GOLT1B: variants seen among roughly 807,000 people sequenced by gnomAD.
The protein encoded by GOLT1B is golgi transport 1B, also known as vesicle transport protein GOT1B.
Under a neutral mutation model 15.4 loss-of-function variants are expected in GOLT1B, and 3 were observed. That is an observed-to-expected ratio of 0.19 (90% confidence interval 0.09 to 0.50). The LOEUF (loss-of-function observed/expected upper bound fraction) is 0.50. Among genes scored for constraint, GOLT1B ranks in the 20% least tolerant of loss-of-function variants. The probability of loss-of-function intolerance (pLI) is 0.97; values close to 1 mark genes in which losing one functional copy is unlikely to be tolerated. For missense variants in GOLT1B, 145 were observed against 160.4 expected (o/e 0.90, Z 0.52); for synonymous variants, 65 against 56.2 (o/e 1.16, Z -0.70).
intron 4 of GOLT1B, among the ~76,000 whole-genome samples, chr12:21,512,905 C>T (rs765864131): frequency 4.0e-5 from 6 of 151,674 alleles, no homozygotes; most frequent in Admixed American, 2.0e-4. Flanking sequence ...TCTCTACCCC[C>T]GCAAATACAA....
At chr12:21,510,284 G>A (rs1433229934) in intron 3 of GOLT1B, among the ~76,000 whole-genome samples, 5 of 152,164 alleles carry the variant, frequency 3.3e-5, no homozygotes, top group African/African-American at 1.2e-4. Context: ...GGCTAAGAGA[G>A]AAAAGAGTGA....
chr12:21,515,388 A>G (rs1164133029), intron 4 of GOLT1B: 1 of 592,678 alleles, frequency 1.7e-6, no homozygotes, highest in East Asian at 2.9e-5. Context: ...ATCTTATACA[A>G]TTTCTTTATT....
Position 21,517,060 on chromosome 12 carries a change from C to T in GOLT1B, c.*1353C>T, listed in dbSNP as rs1943761431. 6.6e-6 allele frequency: 1 copy of T among 152,284 alleles called. No homozygotes were observed. The highest frequency in any genetic ancestry group is 1.5e-5 in the Non-Finnish European group (1 of 67,848). The allele number at this position is 152,284 out of a possible 1,614,324, so 9.4% of individuals were successfully genotyped here. ...ACTATTTGTTTTACCACTGATTGCA[C>T]TGTTTTGTTTTTTTAACAGTTGCAA... On this transcript the variant is annotated 3_prime_UTR_variant, in exon 5 of 5. Transcript: ENST00000229314.
chr12:21,501,901 C>T lies in GOLT1B; in HGVS notation c.-23C>T, dbSNP rs774342970. The T allele has an allele frequency of 1.9e-6, 3 of 1,589,172 alleles. No homozygotes were observed. Among genetic ancestry groups the T allele is most frequent in the Admixed American group, 1.7e-5 (1 of 59,902 alleles). On this transcript the variant is annotated 5_prime_UTR_variant, in exon 1 of 5. Coordinates refer to ENST00000229314, the MANE Select transcript of GOLT1B (RefSeq NM_016072.5). ...CCCTGGGCTTTCCGAGGTGCTGTCG[C>T]CGCTGTCCCCACCACTGCAGCCATG...
Position 21,512,285 on chromosome 12 carries a change from C to G in GOLT1B, c.297-10C>G, listed in dbSNP as rs2136809146. 1 of 1,412,048 alleles carries G rather than the reference C, an allele frequency of 7.1e-7. No homozygotes were observed. The highest frequency in any genetic ancestry group is 2.3e-5 in the East Asian group (1 of 43,728). 87.5% of individuals were successfully genotyped at this position (1,412,048 alleles called of 1,614,324 possible). A position where few individuals can be genotyped will look rare whatever the true frequency, so the allele number is the denominator to read the frequency against. On this transcript the variant is annotated splice_polypyrimidine_tract_variant and intron_variant, in intron 3 of 4. Transcript: ENST00000229314. ...GTAAATATTAAGAACCTTTTTTTTC[C>G]CTCTCCCAGGGGCTTCTTTCCTGTC...
intron 1 of GOLT1B, among the ~76,000 whole-genome samples, chr12:21,504,035 G>A (rs1456044542): frequency 6.6e-6 from 1 of 152,156 alleles, no homozygotes; most frequent in Non-Finnish European, 1.5e-5. Context: ...CAAAGGGTAT[G>A]GTAAGAGAGA....
intron 3 of GOLT1B, among the ~76,000 whole-genome samples, chr12:21,509,396 C>CAAAAAAAAAA (rs71053318): frequency 2.7e-5 from 2 of 74,036 alleles, no homozygotes; most frequent in African/African-American, 5.6e-5. Context: ...GACTCTGTCT[C>CAAAAAAAAAA]AAAAAAAAAA....
At chr12:21,509,360 G>A (rs974770327) in intron 3 of GOLT1B, among the ~76,000 whole-genome samples, 5 of 113,132 alleles carry the variant, frequency 4.4e-5, no homozygotes, top group African/African-American at 1.7e-4. Flanking sequence ...TCACACCATT[G>A]CACTCCAGCC....
intron 2 of GOLT1B, chr12:21,507,293 C>T (rs1943685400): frequency 4.3e-6 from 1 of 231,092 alleles, no homozygotes; most frequent in Non-Finnish European, 8.6e-6. Flanking sequence ...TGATAAATCA[C>T]TAAAGTATTT....
intron 2 of GOLT1B, chr12:21,507,999 A>G: frequency 2.2e-6 from 1 of 449,418 alleles, no homozygotes. Context: ...CCCTTGGGTG[A>G]CATATTTATG....
Position 21,508,604 on chromosome 12 carries a change from ATAGT to A in GOLT1B, c.296+48_296+51del, listed in dbSNP as rs550560510. 592 of 946,640 alleles carry A rather than the reference ATAGT, an allele frequency of 6.3e-4. 1 individual carries two copies. Among genetic ancestry groups the A allele is most frequent in the Admixed American group, 3.0e-3 (141 of 46,244 alleles). 58.6% of individuals were successfully genotyped at this position (946,640 alleles called of 1,614,324 possible). The stretch of plus-strand genomic sequence containing the variant: ...CTCTTTCAGTAAATCAGTGTGTCAG[ATAGT>A]TAGTACAAAAACTCAGATATTTGCA... On this transcript the variant is annotated intron_variant, in intron 3 of 4. Transcript: ENST00000229314.
In GOLT1B at chr12:21,512,368, AT is replaced by A; in HGVS notation, c.372del (p.Arg125AspfsTer4). The A allele has an allele frequency of 7.1e-7, 1 of 1,415,680 alleles. No homozygotes were observed. Among genetic ancestry groups the A allele is most frequent in the Non-Finnish European group, 1.0e-6 (1 of 999,574 alleles). 87.7% of individuals were successfully genotyped at this position (1,415,680 alleles called of 1,614,324 possible). On this transcript the variant is annotated frameshift_variant, in exon 4 of 5. Transcript: ENST00000229314. LOFTEE classifies it high-confidence loss of function. Reference protein sequence around the residue: ...VLGSLLNLPGIRSFVDKVGES... With the variant: ...VLGSLLNLPGXRSFVDKVGES... ...TGGATCCCTCCTAAATTTACCTGGA[AT>A]TAGATCAGTAAGTAATCATGTATAT...
intron 3 of GOLT1B, among the ~76,000 whole-genome samples, chr12:21,508,886 T>TAGGA (rs1943698645): frequency 8.8e-6 from 1 of 113,136 alleles, no homozygotes; most frequent in Non-Finnish European, 2.0e-5. Context: ...GGTAGGTAGG[T>TAGGA]AGGTAGATAG....
rs551698275 is a variant in GOLT1B, at chr12:21,516,909, A to G, written c.*1202A>G. On this transcript the variant is annotated 3_prime_UTR_variant, in exon 5 of 5. Coordinates refer to ENST00000229314, the MANE Select transcript of GOLT1B (RefSeq NM_016072.5). ...TGTGGTTTCTTAAGAACATGACACTAAAAAAAAAGTGTTTTTTTTCCACCG... is the reference window on the plus strand; with the variant it reads ...TGTGGTTTCTTAAGAACATGACACTGAAAAAAAAGTGTTTTTTTTCCACCG... 6.6e-6 allele frequency: 1 copy of G among 151,488 alleles called. No individual in the cohort carries two copies. Among genetic ancestry groups the G allele is most frequent in the Admixed American group, 6.6e-5 (1 of 15,166 alleles). The allele number at this position is 151,488 out of a possible 1,614,324, so 9.4% of individuals were successfully genotyped here. A position where few individuals can be genotyped will look rare whatever the true frequency, so the allele number is the denominator to read the frequency against.
At chr12:21,508,889 GTAGATAGA>G (rs60378515) in intron 3 of GOLT1B, among the ~76,000 whole-genome samples, 160 of 65,380 alleles carry the variant, frequency 2.4e-3, no homozygotes, top group Admixed American at 0.012. Flanking sequence ...AGGTAGGTAG[GTAGATAGA>G]TAGATAGATA....
intron 1 of GOLT1B, among the ~76,000 whole-genome samples, chr12:21,505,206 G>C (rs182212658): frequency 2.6e-5 from 4 of 152,088 alleles, no homozygotes; most frequent in Non-Finnish European, 4.4e-5. Flanking sequence ...TACATAGTAG[G>C]TGTCTTTCCA....
chr12:21,508,637 G>A lies in GOLT1B; in HGVS notation c.296+76G>A, dbSNP rs1324143587. On this transcript the variant is annotated intron_variant, in intron 3 of 4. Coordinates refer to ENST00000229314, the MANE Select transcript of GOLT1B (RefSeq NM_016072.5). ...TACAAAAACTCAGATATTTGCATCA[G>A]TTGGAGTAAGATGATGATCATTTCC... The A allele has an allele frequency of 4.0e-6, 3 of 749,860 alleles. No homozygotes were observed. In the East Asian group the frequency reaches 7.8e-5, roughly 19 times the overall value. 46.5% of individuals were successfully genotyped at this position (749,860 alleles called of 1,614,324 possible). A position where few individuals can be genotyped will look rare whatever the true frequency, so the allele number is the denominator to read the frequency against.
rs1943751837 is a variant in GOLT1B, at chr12:21,515,817, C to T, written c.*110C>T. The T allele has an allele frequency of 3.2e-6, 2 of 633,580 alleles. No individual in the cohort carries two copies. The highest frequency in any genetic ancestry group is 4.3e-4 in the Middle Eastern group (1 of 2,328). 39.2% of individuals were successfully genotyped at this position (633,580 alleles called of 1,614,324 possible). On this transcript the variant is annotated 3_prime_UTR_variant, in exon 5 of 5. Transcript: ENST00000229314. ...ATGAAATAGCTTGTAATGTTCTTTACAGGAGTTTAAAACGTATAGCCTACA... is the reference window on the plus strand; with the variant it reads ...ATGAAATAGCTTGTAATGTTCTTTATAGGAGTTTAAAACGTATAGCCTACA...
At chr12:21,505,537 A>C (rs530919225) in intron 1 of GOLT1B, among the ~76,000 whole-genome samples, 1 of 152,316 alleles carries the variant, frequency 6.6e-6, no homozygotes, top group Admixed American at 6.5e-5. Flanking sequence ...ATTATTTTAG[A>C]CTAACTTTGG....
Sources: allele counts gnomAD v4.1 joint callset (sites outside exome capture counted in the v4.1 genomes callset), GRCh38; gene constraint gnomAD v4.1.1; transcripts MANE v1.5; gene names NCBI Gene and HGNC (gene_info 2026-07-23, HGNC 2026-07-21).